ARL3: variants seen among roughly 807,000 people sequenced by gnomAD.
The protein encoded by ARL3 is ARF like GTPase 3.
Under a neutral mutation model 26.0 loss-of-function variants are expected in ARL3, and 9 were observed. The ratio of observed to expected loss-of-function variants is 0.35; its 90% confidence interval spans 0.21 to 0.60. ARL3 has a LOEUF of 0.60. Ranked by LOEUF, ARL3 falls within the 20% of genes least tolerant of loss-of-function variation. ARL3 has a pLI of 0.78. For missense variants in ARL3, 158 were observed against 215.7 expected, an observed-to-expected ratio of 0.73 and a Z score of 1.67; for synonymous variants, 71 against 78.4, an observed-to-expected ratio of 0.91 and a Z score of 0.50.
chr10:102,675,468 C>G lies in ARL3; in HGVS notation c.*1426G>C, dbSNP rs969816840. 1 of 152,296 alleles carries G rather than the reference C, an allele frequency of 6.6e-6. No homozygotes were observed. The highest frequency in any genetic ancestry group is 2.4e-5 in the African/African-American group (1 of 41,454). 9.4% of individuals were successfully genotyped at this position (152,296 alleles called of 1,614,324 possible). A position where few individuals can be genotyped will look rare whatever the true frequency, so the allele number is the denominator to read the frequency against. On this transcript the variant is annotated 3_prime_UTR_variant, in exon 6 of 6. Coordinates refer to ENST00000260746, the MANE Select transcript of ARL3 (RefSeq NM_004311.4). ...TGAGAAGGCAGCTGGCCCCCAGGGA[C>G]CCACCAGTCACTGGACAGTCTCTTA...
In ARL3 at chr10:102,674,096, T is replaced by G. The variant is rs1467199512; in HGVS notation, c.*2798A>C. On this transcript the variant is annotated 3_prime_UTR_variant, in exon 6 of 6. Transcript: ENST00000260746. ...GAGTGGCACAAAAATAGCCACTACT[T>G]TAGTCCAGAGGGGAATAAAGAAATT... 1 of 152,494 alleles carries G rather than the reference T, an allele frequency of 6.6e-6. No homozygotes were observed. Among genetic ancestry groups the G allele is most frequent in the Non-Finnish European group, 1.5e-5 (1 of 68,038 alleles). 9.4% of individuals were successfully genotyped at this position (152,494 alleles called of 1,614,324 possible). A position where few individuals can be genotyped will look rare whatever the true frequency, so the allele number is the denominator to read the frequency against.
intron 1 of ARL3, among the ~76,000 whole-genome samples, chr10:102,708,335 C>A (rs541033173): frequency 1.3e-5 from 2 of 152,092 alleles, no homozygotes; most frequent in East Asian, 3.9e-4. Context: ...TTCTGAGATC[C>A]TTAGGGGACT....
intron 1 of ARL3, among the ~76,000 whole-genome samples, chr10:102,710,664 T>C (rs1050358676): frequency 2.6e-5 from 4 of 152,212 alleles, no homozygotes; most frequent in African/African-American, 9.6e-5. Flanking sequence ...TATATTCCTG[T>C]GACATTAAAT....
intron 1 of ARL3, among the ~76,000 whole-genome samples, chr10:102,710,263 C>T (rs1011061081): frequency 2.0e-5 from 3 of 152,292 alleles, no homozygotes; most frequent in Non-Finnish European, 4.4e-5. Context: ...AAATATAATA[C>T]AGCATCATAT....
At chr10:102,708,908 A>ATTTTTTTTTTTTTTTTT (rs1554864095) in intron 1 of ARL3, among the ~76,000 whole-genome samples, 1 of 95,350 alleles carries the variant, frequency 1.0e-5, no homozygotes, top group African/African-American at 4.2e-5. Flanking sequence ...ATATATATAT[A>ATTTTTTTTTTTTTTTTT]TTTTTTTTTT....
At chr10:102,679,140 T>A (rs2064143437) in intron 5 of ARL3, among the ~76,000 whole-genome samples, 1 of 152,050 alleles carries the variant, frequency 6.6e-6, no homozygotes, top group African/African-American at 2.4e-5. Flanking sequence ...AGAAGAGAAC[T>A]GGGCTGGAGG....
At chr10:102,689,140 T>C (rs1359556204) in intron 4 of ARL3, among the ~76,000 whole-genome samples, 2 of 151,982 alleles carry the variant, frequency 1.3e-5, no homozygotes, top group Non-Finnish European at 2.9e-5. Flanking sequence ...CTGGTCAACA[T>C]GGTGAAACCC....
chr10:102,705,635 T>C, intron 1 of ARL3, 146 bp from the exon 2 acceptor site: 1 of 874,150 alleles, frequency 1.1e-6, no homozygotes, highest in Non-Finnish European at 1.6e-6. Flanking sequence ...CTTATTCCAT[T>C]TGCTTCCTCT....
intron 5 of ARL3, among the ~76,000 whole-genome samples, chr10:102,677,879 C>T (rs1417037901): frequency 6.6e-6 from 1 of 151,804 alleles, no homozygotes; most frequent in Non-Finnish European, 1.5e-5. Context: ...CTGCACACAT[C>T]AGCCATACTG....
intron 4 of ARL3, 139 bp from the exon 5 acceptor site, chr10:102,686,140 C>G (rs940964789): frequency 1.5e-6 from 1 of 674,350 alleles, no homozygotes; most frequent in Non-Finnish European, 2.4e-6. Flanking sequence ...GGCGTGATCT[C>G]GGCTCACTGC....
At chr10:102,681,000 A>G (rs2064153811) in intron 5 of ARL3, among the ~76,000 whole-genome samples, 1 of 152,196 alleles carries the variant, frequency 6.6e-6, no homozygotes, top group South Asian at 2.1e-4. Flanking sequence ...TTAAAAATAA[A>G]CCTGAGGTCT....
intron 3 of ARL3, 137 bp from the exon 4 acceptor site, chr10:102,690,080 T>C (rs2064208784): frequency 4.0e-6 from 2 of 494,066 alleles, no homozygotes; most frequent in Non-Finnish European, 7.4e-6. Context: ...GTGAGTCTCA[T>C]CTCATTTATG....
intron 5 of ARL3, among the ~76,000 whole-genome samples, chr10:102,679,436 T>C (rs561801296): frequency 1.6e-4 from 25 of 152,296 alleles, no homozygotes; most frequent in African/African-American, 4.6e-4. Context: ...TAGGTGCTGG[T>C]GTTATTTCTC....
chr10:102,687,950 T>C (rs1284282013), intron 4 of ARL3, among the ~76,000 whole-genome samples: 1 of 152,152 alleles, frequency 6.6e-6, no homozygotes, highest in Non-Finnish European at 1.5e-5. Flanking sequence ...TATGTGTGTG[T>C]GTGTATGAAA....
intron 3 of ARL3, among the ~76,000 whole-genome samples, chr10:102,697,327 C>T (rs2064253763): frequency 6.6e-6 from 1 of 152,070 alleles, no homozygotes; most frequent in Non-Finnish European, 1.5e-5. Context: ...TACAGGCATC[C>T]ACCACCATGC....
chr10:102,704,888 C>T (rs1183389116), intron 2 of ARL3, among the ~76,000 whole-genome samples: 1 of 152,170 alleles, frequency 6.6e-6, no homozygotes, highest in East Asian at 1.9e-4. Flanking sequence ...CAGTGGGATG[C>T]AGATGCTGCA....
chr10:102,713,064 T>G (rs988402873), intron 1 of ARL3, among the ~76,000 whole-genome samples: 6 of 143,916 alleles, frequency 4.2e-5, no homozygotes, highest in African/African-American at 1.5e-4. Context: ...TTTTTTTTTT[T>G]CCTGGGCATC....
intron 5 of ARL3, among the ~76,000 whole-genome samples, chr10:102,679,960 C>CT (rs200773515): frequency 0.012 from 1,850 of 151,438 alleles, 33 homozygotes; most frequent in African/African-American, 0.042. Flanking sequence ...GCAAGGAAGG[C>CT]TTTTTTTTTG....
intron 5 of ARL3, 85 bp from the exon 6 acceptor site, chr10:102,677,026 G>T: frequency 6.8e-7 from 1 of 1,469,726 alleles, no homozygotes; most frequent in Non-Finnish European, 9.5e-7. Context: ...GGCAGTGGGG[G>T]TCCCAGGCCC....
Sources: gnomAD v4.1 joint callset for allele counts (sites outside exome capture counted in the v4.1 genomes callset) on GRCh38, gnomAD v4.1.1 for gene constraint, MANE v1.5 for transcripts, NCBI Gene and HGNC (gene_info 2026-07-23, HGNC 2026-07-21) for gene names.